The following ZNF608 variants were observed in gnomAD, a reference collection of about 807,000 sequenced individuals.
ZNF608 encodes the protein zinc finger protein 608, also known as renal carcinoma antigen NY-REN-36.
In ZNF608, 12 loss-of-function variants were observed where a neutral mutation model predicts 109.0. The observed-to-expected ratio is 0.11, with a 90% CI of 0.07 to 0.18. The LOEUF (loss-of-function observed/expected upper bound fraction) is 0.18. ZNF608 is among the 10% of genes least tolerant of loss of function. ZNF608 has a pLI of 1.00. For synonymous variants in ZNF608, 732 were observed against 717.4 expected (o/e 1.02, Z -0.33); for missense variants, 1,707 against 1,879.3 (o/e 0.91, Z 1.70).
intron 2 of ZNF608, among the ~76,000 whole-genome samples, chr5:124,714,955 CT>C (rs1455509083): frequency 1.3e-5 from 2 of 152,264 alleles, no homozygotes; most frequent in East Asian, 3.9e-4. Flanking sequence ...AGTGATTTTT[CT>C]TCTTCTAAAA....
intron 3 of ZNF608, among the ~76,000 whole-genome samples, chr5:124,678,104 C>T (rs1405628432): frequency 6.6e-6 from 1 of 152,132 alleles, no homozygotes; most frequent in East Asian, 1.9e-4. Flanking sequence ...AAATGCTGCC[C>T]GTAAGTCAGC....
chr5:124,687,283 T>C (rs1442041992), intron 3 of ZNF608, among the ~76,000 whole-genome samples: 2 of 152,154 alleles, frequency 1.3e-5, no homozygotes, highest in Non-Finnish European at 2.9e-5. Context: ...TCTCCGTAAA[T>C]GAGAAAATGC....
At chr5:124,714,438 C>G (rs1201892852) in intron 2 of ZNF608, among the ~76,000 whole-genome samples, 1 of 152,126 alleles carries the variant, frequency 6.6e-6, no homozygotes, top group Non-Finnish European at 1.5e-5. Flanking sequence ...GATGACAGGT[C>G]AATGTCACAC....
chr5:124,647,065 T>C lies in ZNF608; in HGVS notation c.3319A>G (p.Lys1107Glu). ...GCCAGCCTCTGGTCCTCATAGTACTTCTCATACTGCTGTCTATAGGCAGGG... is the reference window on the plus strand; with the variant it reads ...GCCAGCCTCTGGTCCTCATAGTACTCCTCATACTGCTGTCTATAGGCAGGG... Reference protein sequence around the residue: ...TSPAYRQQYEKYYEDQRLAEQ... With the variant: ...TSPAYRQQYEEYYEDQRLAEQ... The change falls in exon 5 of 10, where the codon AAG becomes GAG. Residue 1107 changes from lysine to glutamate, a missense_variant. This residue lies in a region of ZNF608 where 1,073 missense variants were observed against 1,133.5 expected (regional missense o/e 0.95). Transcript: ENST00000513986. 3.1e-6 allele frequency: 5 copies of C among 1,614,046 alleles called. No homozygotes were observed. Among genetic ancestry groups the C allele is most frequent in the Non-Finnish European group, 4.2e-6 (5 of 1,179,970 alleles).
intron 3 of ZNF608, among the ~76,000 whole-genome samples, chr5:124,664,909 C>T (rs1267287058): frequency 6.6e-6 from 1 of 152,164 alleles, no homozygotes; most frequent in African/African-American, 2.4e-5. Context: ...GGCGCAGTGG[C>T]TCACACCTGT....
chr5:124,745,994 A>C (rs537819974), intron 1 of ZNF608: 1 of 250,358 alleles, frequency 4.0e-6, no homozygotes, highest in African/African-American at 2.3e-5. Flanking sequence ...GGTGCTACTG[A>C]CTGTACAGAA....
intron 2 of ZNF608, among the ~76,000 whole-genome samples, chr5:124,741,369 G>C (rs1194202247): frequency 8.3e-6 from 1 of 120,024 alleles, no homozygotes; most frequent in African/African-American, 3.2e-5. Context: ...CAAGTCTTAT[G>C]AATCTCCTGT....
At chr5:124,671,627 G>A (rs1037754751) in intron 3 of ZNF608, among the ~76,000 whole-genome samples, 8 of 148,930 alleles carry the variant, frequency 5.4e-5, no homozygotes, top group Non-Finnish European at 8.9e-5. Flanking sequence ...ACATCATACT[G>A]TCCTGGGGCT....
chr5:124,643,818 T>A (rs771410809), intron 6 of ZNF608, 135 bp from the exon 7 acceptor site: 1 of 838,404 alleles, frequency 1.2e-6, no homozygotes, highest in Non-Finnish European at 1.8e-6. Flanking sequence ...GGCTACATCA[T>A]CATTAAACTG....
intron 2 of ZNF608, among the ~76,000 whole-genome samples, chr5:124,705,134 TC>T (rs1359219435): frequency 1.7e-4 from 26 of 152,186 alleles, no homozygotes; most frequent in African/African-American, 6.3e-4. Flanking sequence ...ATACAAAAGA[TC>T]AACTCCACTG....
intron 2 of ZNF608, among the ~76,000 whole-genome samples, chr5:124,723,137 T>G (rs1347446962): frequency 6.6e-6 from 1 of 151,680 alleles, no homozygotes; most frequent in African/African-American, 2.4e-5. Context: ...TTCAAGCAAT[T>G]CTCGGTTCTC....
chr5:124,726,155 T>G (rs1754127533), intron 2 of ZNF608, among the ~76,000 whole-genome samples: 1 of 152,182 alleles, frequency 6.6e-6, no homozygotes, highest in Non-Finnish European at 1.5e-5. Context: ...TTTCTTCCAT[T>G]GCTTTCCAGA....
At chr5:124,675,002 G>A (rs1472576361) in intron 3 of ZNF608, among the ~76,000 whole-genome samples, 2 of 152,120 alleles carry the variant, frequency 1.3e-5, no homozygotes, top group Non-Finnish European at 2.9e-5. Context: ...AACTTAATAA[G>A]CTTTTATCCA....
intron 3 of ZNF608, among the ~76,000 whole-genome samples, chr5:124,668,029 T>A (rs1196149070): frequency 2.6e-5 from 4 of 151,592 alleles, no homozygotes; most frequent in Non-Finnish European, 5.9e-5. Flanking sequence ...ATATCACATC[T>A]AGAACTCATA....
At chr5:124,742,661 G>A (rs898454073) in intron 2 of ZNF608, among the ~76,000 whole-genome samples, 1 of 152,110 alleles carries the variant, frequency 6.6e-6, no homozygotes, top group African/African-American at 2.4e-5. Context: ...ATTTATAAGC[G>A]TTTGGAGGCA....
chr5:124,648,894 G>A lies in ZNF608; in HGVS notation c.1490C>T (p.Thr497Ile). 6.2e-7 allele frequency: 1 copy of A among 1,614,036 alleles called. No individual in the cohort carries two copies. Among genetic ancestry groups the A allele is most frequent in the Non-Finnish European group, 8.5e-7 (1 of 1,179,958 alleles). ...AEDIKASPSSTNKRKNKPPME... is the reference protein window; with the variant it reads ...AEDIKASPSSINKRKNKPPME... ...TGGAGGCTTGTTTTTCCTTTTGTTG[G>A]TGGAGGAAGGGCTGGCTTTGATATC... Residue 497 changes from threonine (T) to isoleucine (I), a missense_variant, in exon 5 of 10, where the codon ACC becomes ATC. Transcript: ENST00000513986.
chr5:124,648,834 T>A lies in ZNF608; in HGVS notation c.1550A>T (p.Asn517Ile), dbSNP rs199709185. 6.2e-6 allele frequency: 10 copies of A among 1,614,060 alleles called. No homozygotes were observed. Among genetic ancestry groups the A allele is most frequent in the Non-Finnish European group, 7.6e-6 (9 of 1,180,010 alleles). ...TGTGCGGACACGCTTTCCAGGCTTA[T>A]TGTCCTCAGAGCTGGAGTTCAGGTC... ...ELDLNSSSED[N>I]KPGKRVRTNS... Residue 517 changes from asparagine to isoleucine, a missense_variant, in exon 5 of 10, where the codon AAT (asparagine) becomes ATT (isoleucine). Asn to Ile is a moderately radical substitution (Grantham distance 149, BLOSUM62 -3). Transcript: ENST00000513986.
chr5:124,698,848 G>T (rs1347118003), intron 3 of ZNF608, among the ~76,000 whole-genome samples: 1 of 152,160 alleles, frequency 6.6e-6, no homozygotes, highest in Non-Finnish European at 1.5e-5. Flanking sequence ...TAAGCAAAGT[G>T]AAAAATAACC....
At chr5:124,735,922 C>T (rs1421718124) in intron 2 of ZNF608, among the ~76,000 whole-genome samples, 1 of 151,918 alleles carries the variant, frequency 6.6e-6, no homozygotes, top group Non-Finnish European at 1.5e-5. Flanking sequence ...AGATGTCAAA[C>T]GATACAAGGG....
Sources: allele counts gnomAD v4.1 joint callset (sites outside exome capture counted in the v4.1 genomes callset), GRCh38; gene constraint gnomAD v4.1.1; regional missense constraint gnomAD v4.1.1; transcripts MANE v1.5; gene names NCBI Gene and HGNC (gene_info 2026-07-23, HGNC 2026-07-21).